Variants in TTC28 observed in about 807,000 individuals in gnomAD.
TTC28 encodes the protein tetratricopeptide repeat protein 28.
In TTC28, 61 loss-of-function variants were observed where a neutral mutation model predicts 198.0. That is an observed-to-expected ratio of 0.31 (90% CI 0.25 to 0.38). The LOEUF (loss-of-function observed/expected upper bound fraction) is 0.38, where lower values mean the gene tolerates loss of function less well. TTC28 is among the 10% of genes least tolerant of loss of function. TTC28 has a pLI of 1.00. For synonymous variants in TTC28, 1,171 were observed against 1,297.8 expected, an observed-to-expected ratio of 0.90 and a Z score of 2.10; for missense variants, 2,678 against 3,164.0, an observed-to-expected ratio of 0.85 and a Z score of 3.69.
At chr22:28,435,869 T>C (rs2047512118) in intron 2 of TTC28, among the ~76,000 whole-genome samples, 1 of 152,250 alleles carries the variant, frequency 6.6e-6, no homozygotes. Context: ...TTTAGTCTGG[T>C]GGTTTACAAC....
intron 1 of TTC28, among the ~76,000 whole-genome samples, chr22:28,631,870 A>G (rs2051179048): frequency 6.6e-6 from 1 of 152,156 alleles, no homozygotes; most frequent in African/African-American, 2.4e-5. Context: ...TGTAGAGTAC[A>G]AAGGGAAGAA....
chr22:28,287,897 T>C (rs1013103453), intron 5 of TTC28, among the ~76,000 whole-genome samples: 65 of 152,124 alleles, frequency 4.3e-4, no homozygotes, highest in African/African-American at 1.5e-3. Context: ...AATTAGAATA[T>C]TTATATACCC....
In TTC28 at chr22:28,559,420, G is replaced by A. The variant is rs1029424524; in HGVS notation, c.381+70132C>T. 4.6e-5 allele frequency among the ~76,000 whole-genome samples: 7 copies of A among 152,168 alleles called. No individual in the cohort carries two copies. In the East Asian group the frequency reaches 5.8e-4, roughly 13 times the overall value. On this transcript the variant is annotated intron_variant, in intron 2 of 22. Coordinates refer to ENST00000397906, the MANE Select transcript of TTC28 (RefSeq NM_001145418.2). ...TAGTTTTTAAAGTTCAATCATTTAC[G>A]AAGTTAAACTTAAGACCTATAACAT...
intron 2 of TTC28, among the ~76,000 whole-genome samples, chr22:28,411,670 T>C (rs947972813): frequency 6.6e-6 from 1 of 152,222 alleles, no homozygotes; most frequent in Non-Finnish European, 1.5e-5. Flanking sequence ...CTTTTACTAT[T>C]GATGATCTCT....
chr22:28,482,168 C>T (rs2048255874), intron 2 of TTC28, among the ~76,000 whole-genome samples: 1 of 150,570 alleles, frequency 6.6e-6, no homozygotes, highest in South Asian at 2.1e-4. Context: ...GTTCCCACTC[C>T]TCCATTTTGC....
chr22:28,048,514 G>A (rs775032213), intron 12 of TTC28, among the ~76,000 whole-genome samples: 8 of 152,044 alleles, frequency 5.3e-5, no homozygotes, highest in Non-Finnish European at 1.2e-4. Flanking sequence ...GGGTCGGGGT[G>A]GGGCTAAGAA....
intron 12 of TTC28, among the ~76,000 whole-genome samples, chr22:28,031,523 C>T (rs752308129): frequency 3.3e-5 from 5 of 152,116 alleles, no homozygotes; most frequent in Non-Finnish European, 7.3e-5. Flanking sequence ...GACCTCCTGT[C>T]GCTGAGAAGA....
chr22:28,256,119 T>TA (rs561946014), intron 5 of TTC28, among the ~76,000 whole-genome samples: 1,533 of 144,624 alleles, frequency 0.011, 37 homozygotes, highest in East Asian at 0.09. Context: ...TGAGGCCTTT[T>TA]AAAAAAAAAA....
intron 12 of TTC28, among the ~76,000 whole-genome samples, chr22:28,047,309 G>C (rs185813351): frequency 2.0e-5 from 3 of 152,214 alleles, no homozygotes; most frequent in African/African-American, 7.2e-5. Flanking sequence ...GGAGGGTGAG[G>C]CTAGGGAGGG....
intron 6 of TTC28, among the ~76,000 whole-genome samples, chr22:28,131,684 G>A (rs1016665402): frequency 3.3e-5 from 5 of 152,132 alleles, no homozygotes; most frequent in African/African-American, 1.2e-4. Flanking sequence ...CTAACTCTGT[G>A]ACCTTGGGTA....
intron 5 of TTC28, among the ~76,000 whole-genome samples, chr22:28,292,057 T>TA (rs1294855250): frequency 6.6e-6 from 1 of 152,104 alleles, no homozygotes; most frequent in East Asian, 1.9e-4. Flanking sequence ...TGTAATTGGA[T>TA]AAAACTAATA....
At position 28,297,619 on chromosome 22, in the gene TTC28, C is replaced by T. The variant is rs1234311238; in HGVS notation, c.763G>A (p.Gly255Arg). The change falls in exon 4 of 23, where the codon GGA becomes AGA. Residue 255 changes from glycine to arginine, a missense_variant. Around this residue, in one of 8 missense-constraint regions of TTC28, gnomAD observed 36 missense variants for 78.7 expected, o/e 0.46. Transcript: ENST00000397906. Reference protein sequence around the residue: ...WSLGNTEKSTGYMQQDLDVAK... With the variant: ...WSLGNTEKSTRYMQQDLDVAK... The stretch of plus-strand genomic sequence containing the variant: ...ACATCCAAGTCCTGCTGCATATATC[C>T]GGTGCTCTTCTCTGTATTTCCAAGA... 8 of 1,551,662 alleles carry T rather than the reference C, an allele frequency of 5.2e-6. No homozygotes were observed. Among genetic ancestry groups the T allele is most frequent in the South Asian group, 1.2e-5 (1 of 84,054 alleles).
intron 6 of TTC28, among the ~76,000 whole-genome samples, chr22:28,123,431 T>G (rs944865359): frequency 1.3e-5 from 2 of 151,882 alleles, no homozygotes; most frequent in African/African-American, 4.8e-5. Flanking sequence ...AATTTTTGTA[T>G]TTTTTAGTAG....
At chr22:28,392,163 G>C (rs1010019890) in intron 2 of TTC28, among the ~76,000 whole-genome samples, 1 of 152,230 alleles carries the variant, frequency 6.6e-6, no homozygotes, top group African/African-American at 2.4e-5. Flanking sequence ...CGGGGGTCAG[G>C]GGTCAGGGAC....
rs2051731594 is a variant in TTC28, at chr22:28,660,857, C to T, written c.102+18765G>A. Among the ~76,000 whole-genome samples the T allele has an allele frequency of 2.0e-5, 3 of 147,836 alleles. No individual in the cohort carries two copies. In the Admixed American group the frequency reaches 2.1e-4, roughly 10 times the overall value. The stretch of plus-strand genomic sequence containing the variant: ...TATTTTTAGTAGAGATGGGTTTCAC[C>T]ATATTGGCCAGAATGGTCTCGAACT... On this transcript the variant is annotated intron_variant, in intron 1 of 22. Coordinates refer to ENST00000397906, the MANE Select transcript of TTC28 (RefSeq NM_001145418.2).
At chr22:28,154,015 A>G (rs1943681414) in intron 6 of TTC28, among the ~76,000 whole-genome samples, 1 of 152,190 alleles carries the variant, frequency 6.6e-6, no homozygotes, top group African/African-American at 2.4e-5. Flanking sequence ...CATCAGAGAG[A>G]GAGAGAGAGA....
chr22:28,344,285 A>T (rs1312294966), intron 2 of TTC28, among the ~76,000 whole-genome samples: 1 of 151,974 alleles, frequency 6.6e-6, no homozygotes, highest in Non-Finnish European at 1.5e-5. Flanking sequence ...ATCCCAGCAA[A>T]TTCAACAAGA....
At chr22:28,576,170 C>T (rs2050147099) in intron 2 of TTC28, among the ~76,000 whole-genome samples, 1 of 151,682 alleles carries the variant, frequency 6.6e-6, no homozygotes, top group Non-Finnish European at 1.5e-5. Context: ...CCTTCTATGC[C>T]CAGTTTTTTT....
chr22:28,021,624 G>A (rs1164788707), intron 13 of TTC28, among the ~76,000 whole-genome samples: 3 of 152,164 alleles, frequency 2.0e-5, no homozygotes, highest in Non-Finnish European at 4.4e-5. Context: ...AGGCCCGATA[G>A]CAGCTGTGTA....
Sources: allele counts gnomAD v4.1 joint callset (sites outside exome capture counted in the v4.1 genomes callset), GRCh38; gene constraint gnomAD v4.1.1; regional missense constraint gnomAD v4.1.1; transcripts MANE v1.5; gene names NCBI Gene and HGNC (gene_info 2026-07-23, HGNC 2026-07-21).